SERTM1: variants seen among roughly 807,000 people sequenced by gnomAD.
SERTM1 encodes the protein serine rich and transmembrane domain containing 1.
In SERTM1, 1 loss-of-function variant was observed where a neutral mutation model predicts 5.5. The ratio of observed to expected loss-of-function variants is 0.18; its 90% CI spans 0.06 to 0.86. SERTM1 has a LOEUF of 0.86. SERTM1 is among the 40% of genes least tolerant of loss of function. SERTM1 has a pLI of 0.69. For missense variants in SERTM1, 91 were observed against 122.4 expected (o/e 0.74, Z 1.21); for synonymous variants, 52 against 55.1 (o/e 0.94, Z 0.25).
At chr13:36,689,588 G>A (rs969823534) in intron 1 of SERTM1, among the ~76,000 whole-genome samples, 9 of 149,338 alleles carry the variant, frequency 6.0e-5, no homozygotes, top group African/African-American at 2.2e-4. Context: ...AAATGCAAGG[G>A]ACTTATACCT....
chr13:36,684,377 G>A lies in SERTM1; in HGVS notation c.-174+10193G>A, dbSNP rs118058456. On this transcript the variant is annotated intron_variant, in intron 1 of 1. Transcript: ENST00000315190. ...ATAATACTAACTGACTTAATGAGTT[G>A]TGGCGATTAAAGAAAACACACATAC... Among the ~76,000 whole-genome samples, 122 of 152,272 alleles carry A rather than the reference G, an allele frequency of 8.0e-4. 1 individual carries two copies. In the East Asian group the frequency reaches 0.021, roughly 27 times the overall value.
chr13:36,684,252 G>A (rs989276255), intron 1 of SERTM1, among the ~76,000 whole-genome samples: 11 of 151,886 alleles, frequency 7.2e-5, no homozygotes, highest in Non-Finnish European at 1.0e-4. Flanking sequence ...AGCTGAGATC[G>A]CACCACTGCA....
At chr13:36,676,389 A>G (rs1456224809) in intron 1 of SERTM1, among the ~76,000 whole-genome samples, 2 of 151,650 alleles carry the variant, frequency 1.3e-5, no homozygotes, top group African/African-American at 4.9e-5. Context: ...CCCTATACTT[A>G]TATTACAACA....
At chr13:36,691,050 A>G (rs2056774693) in intron 1 of SERTM1, among the ~76,000 whole-genome samples, 1 of 152,250 alleles carries the variant, frequency 6.6e-6, no homozygotes, top group Non-Finnish European at 1.5e-5. Flanking sequence ...CATGAAATTT[A>G]AAATTGCTGT....
At position 36,695,493 on chromosome 13, in the gene SERTM1, C is replaced by A; in HGVS notation, c.*91C>A. The A allele has an allele frequency of 1.1e-6, 1 of 922,650 alleles. No individual in the cohort carries two copies. Among genetic ancestry groups the A allele is most frequent in the Admixed American group, 2.4e-5 (1 of 41,908 alleles). The allele number at this position is 922,650 out of a possible 1,614,324, so 57.2% of individuals were successfully genotyped here. On this transcript the variant is annotated 3_prime_UTR_variant, in exon 2 of 2. Transcript: ENST00000315190. ...GGCATTGCCTCATGAAAGAAATGAT[C>A]CTTTTGGTGTAGACCTGCTTCTCCT...
At chr13:36,693,831 G>T (rs771978056) in intron 1 of SERTM1, among the ~76,000 whole-genome samples, 29 of 152,308 alleles carry the variant, frequency 1.9e-4, no homozygotes, top group Admixed American at 3.9e-4. Context: ...ATTATCTAGA[G>T]CCATACAGAG....
chr13:36,677,268 C>T (rs1036385258), intron 1 of SERTM1, among the ~76,000 whole-genome samples: 5 of 152,140 alleles, frequency 3.3e-5, no homozygotes, highest in Non-Finnish European at 5.9e-5. Context: ...GTCAAACAGC[C>T]GTACACACTT....
intron 1 of SERTM1, among the ~76,000 whole-genome samples, chr13:36,694,676 C>G (rs1214224245): frequency 6.6e-6 from 1 of 152,192 alleles, no homozygotes; most frequent in African/African-American, 2.4e-5. Flanking sequence ...TTATCTTCAG[C>G]TCCTTGTAGA....
In SERTM1 at chr13:36,696,989, CTGAG is replaced by C. The variant is rs2056818733; in HGVS notation, c.*1594_*1597del. ...GGTTTATCTTTATCATACTAAAATG[CTGAG>C]TGAGTGGAGGTCTGGGAATGAAAAT... On this transcript the variant is annotated 3_prime_UTR_variant, in exon 2 of 2. Coordinates refer to ENST00000315190, the MANE Select transcript of SERTM1 (RefSeq NM_203451.3). The C allele has an allele frequency of 6.0e-6, 1 of 166,972 alleles. No individual in the cohort carries two copies. 10.3% of individuals were successfully genotyped at this position (166,972 alleles called of 1,614,324 possible).
chr13:36,691,064 A>G (rs533494844), intron 1 of SERTM1, among the ~76,000 whole-genome samples: 88 of 152,332 alleles, frequency 5.8e-4, no homozygotes, highest in African/African-American at 2.0e-3. Context: ...TTGCTGTGCC[A>G]TATTTGAGGC....
chr13:36,680,561 C>T (rs2056698452), intron 1 of SERTM1, among the ~76,000 whole-genome samples: 1 of 152,130 alleles, frequency 6.6e-6, no homozygotes, highest in African/African-American at 2.4e-5. Context: ...ACTACATATC[C>T]TTTTTCAAAA....
chr13:36,693,225 T>TC (rs933541927), intron 1 of SERTM1, among the ~76,000 whole-genome samples: 6 of 152,196 alleles, frequency 3.9e-5, no homozygotes, highest in African/African-American at 1.4e-4. Context: ...GTTTTTCCCA[T>TC]CCAATCTGTG....
intron 1 of SERTM1, among the ~76,000 whole-genome samples, chr13:36,681,132 G>A (rs1474967622): frequency 1.3e-5 from 2 of 152,152 alleles, no homozygotes; most frequent in Non-Finnish European, 2.9e-5. Context: ...AGTACTACTC[G>A]AAGCACAGTC....
chr13:36,694,756 G>T (rs2056801704), intron 1 of SERTM1, 150 bp from the exon 2 acceptor site: 1 of 309,054 alleles, frequency 3.2e-6, no homozygotes, highest in Non-Finnish European at 5.9e-6. Flanking sequence ...GTAATATAAA[G>T]ACATAAACAT....
chr13:36,690,916 G>A (rs944615844), intron 1 of SERTM1, among the ~76,000 whole-genome samples: 1 of 152,168 alleles, frequency 6.6e-6, no homozygotes, highest in Admixed American at 6.5e-5. Context: ...GCATCTAACA[G>A]CCAGGCCACT....
chr13:36,685,890 G>A (rs1487289684), intron 1 of SERTM1, among the ~76,000 whole-genome samples: 1 of 152,090 alleles, frequency 6.6e-6, no homozygotes, highest in East Asian at 1.9e-4. Flanking sequence ...CCTGGACCAC[G>A]CTGGCTCTTG....
intron 1 of SERTM1, among the ~76,000 whole-genome samples, chr13:36,681,901 G>A (rs1024447095): frequency 6.6e-6 from 1 of 152,266 alleles, no homozygotes; most frequent in South Asian, 2.1e-4. Context: ...AATTATCCTG[G>A]TGAACAGTTG....
At chr13:36,683,289 T>C (rs1234260996) in intron 1 of SERTM1, among the ~76,000 whole-genome samples, 1 of 152,208 alleles carries the variant, frequency 6.6e-6, no homozygotes, top group Non-Finnish European at 1.5e-5. Context: ...TCTATGAAAT[T>C]AAAGCTAACC....
Position 36,695,775 on chromosome 13 carries a change from C to T in SERTM1, c.*373C>T, listed in dbSNP as rs557952426. 2 of 207,592 alleles carry T rather than the reference C, an allele frequency of 9.6e-6. No homozygotes were observed. Among genetic ancestry groups the T allele is most frequent in the Admixed American group, 1.1e-4 (2 of 17,752 alleles). 12.9% of individuals were successfully genotyped at this position (207,592 alleles called of 1,614,324 possible). A position where few individuals can be genotyped will look rare whatever the true frequency, so the allele number is the denominator to read the frequency against. ...TTCTTTTACAAAGCCGTGAAATCAACTGAGCCTGCAGAAACTGGCAAAATC... is the reference window on the plus strand; with the variant it reads ...TTCTTTTACAAAGCCGTGAAATCAATTGAGCCTGCAGAAACTGGCAAAATC... On this transcript the variant is annotated 3_prime_UTR_variant, in exon 2 of 2. Transcript: ENST00000315190.
Sources: allele counts gnomAD v4.1 joint callset (sites outside exome capture counted in the v4.1 genomes callset), GRCh38; gene constraint gnomAD v4.1.1; transcripts MANE v1.5; gene names NCBI Gene and HGNC (gene_info 2026-07-23, HGNC 2026-07-21).